The following HYOU1 variants were observed in gnomAD, a reference collection of about 807,000 sequenced individuals.
The protein encoded by HYOU1 is hypoxia up-regulated 1, also known as hypoxia up-regulated protein 1.
A neutral mutation model predicts 120.5 loss-of-function variants in HYOU1; 40 were observed. That is an observed-to-expected ratio of 0.33 (90% CI 0.26 to 0.43). The LOEUF (loss-of-function observed/expected upper bound fraction) is 0.43. Ranked by LOEUF, HYOU1 falls within the 20% of genes least tolerant of loss-of-function variation. The pLI, the probability that HYOU1 is intolerant of heterozygous loss-of-function variation, is 1.00. For synonymous variants in HYOU1, 501 were observed against 479.4 expected, an observed-to-expected ratio of 1.05 and a Z score of -0.59; for missense variants, 1,085 against 1,278.3, an observed-to-expected ratio of 0.85 and a Z score of 2.31.
rs1414301671 is a variant in HYOU1, at chr11:119,051,503, G to A, written c.1461C>T (p.Tyr487=). Residue 487 remains tyrosine (Y), a synonymous_variant, in exon 13 of 26, where the codon TAC becomes TAT. Transcript: ENST00000617285. This position sits in a 1 kb window ranked among gnomAD's most constrained non-coding sequence, Gnocchi z 4.2. Reference sequence around the variant, plus strand: ...TGATGTGGAAGTTGAAATCATGGCTGTAGCGGTTAAAGGTGATGACTTTGC... The same window carrying A: ...TGATGTGGAAGTTGAAATCATGGCTATAGCGGTTAAAGGTGATGACTTTGC... The part of the protein sequence containing the change: ...PQRKVITFNR[Y]SHDFNFHINY... The A allele has an allele frequency of 1.9e-6, 3 of 1,614,160 alleles. No individual in the cohort carries two copies. The highest frequency in any genetic ancestry group is 1.3e-5 in the African/African-American group (1 of 75,032).
In HYOU1 at chr11:119,055,173, C is replaced by G. The variant is rs2133610746; in HGVS notation, c.419+12G>C. 3.7e-6 allele frequency: 6 copies of G among 1,612,080 alleles called. No homozygotes were observed. In the Admixed American group the frequency reaches 8.3e-5, roughly 22 times the overall value. ...GCGTTGCCGAGACCACCTTCCCCAA[C>G]AGAGCACTCACGAGCTGATCTGAAA... On this transcript the variant is annotated intron_variant, in intron 5 of 25. Transcript: ENST00000617285. This position sits in a 1 kb window ranked among gnomAD's most constrained non-coding sequence, Gnocchi z 4.0.
chr11:119,056,532 C>G, intron 1 of HYOU1: 1 of 378,602 alleles, frequency 2.6e-6, no homozygotes, highest in South Asian at 2.0e-5. Context: ...CAGGGATCCC[C>G]GCCCAGGGCT....
At chr11:119,049,922 G>A in intron 14 of HYOU1, 85 bp from the exon 15 acceptor site, 1 of 1,199,444 alleles carries the variant, frequency 8.3e-7, no homozygotes, top group Non-Finnish European at 1.2e-6. Flanking sequence ...GTTTGCTTAT[G>A]CACACTCCAT....
Position 119,045,526 on chromosome 11 carries a change from C to T in HYOU1, c.*67G>A, listed in dbSNP as rs377515064. Reference sequence around the variant, plus strand: ...CAGGACCAACCCCTCCCCCAACCCTCGATGTTAAATAAATAGAAGTGGTGG... The same window carrying T: ...CAGGACCAACCCCTCCCCCAACCCTTGATGTTAAATAAATAGAAGTGGTGG... On this transcript the variant is annotated 3_prime_UTR_variant, in exon 26 of 26. Transcript: ENST00000617285. 160 of 1,374,748 alleles carry T rather than the reference C, an allele frequency of 1.2e-4. No individual in the cohort carries two copies. In the African/African-American group the frequency reaches 1.6e-3, roughly 14 times the overall value. The allele number at this position is 1,374,748 out of a possible 1,614,324, so 85.2% of individuals were successfully genotyped here.
chr11:119,050,707 C>A (rs1403477400), intron 14 of HYOU1, among the ~76,000 whole-genome samples: 3 of 94,200 alleles, frequency 3.2e-5, no homozygotes, highest in Non-Finnish European at 5.7e-5. Context: ...AGTAACAGAG[C>A]CAAGACCCTC....
In HYOU1 at chr11:119,045,602, G is replaced by A. The variant is rs573944250; in HGVS notation, c.2991C>T (p.Asp997=). The A allele has an allele frequency of 8.9e-5, 144 of 1,614,068 alleles. 2 individuals are homozygous for A. The highest frequency in any genetic ancestry group is 8.3e-4 in the South Asian group (76 of 91,080). The stretch of plus-strand genomic sequence containing the variant: ...AAAACAGAGGTGGGGGTTATAGTTC[G>A]TCGTTCTTCAAAGGCCGCTTCTGTC... ...STGQKRPLKN[D]EL The change falls in exon 26 of 26, where the codon GAC becomes GAT. Residue 997 remains aspartate, a synonymous_variant. Coordinates refer to ENST00000617285, the MANE Select transcript of HYOU1 (RefSeq NM_006389.5).
Position 119,048,731 on chromosome 11 carries a change from C to T in HYOU1, c.2148G>A (p.Leu716=). The change falls in exon 18 of 26, where the codon CTG becomes CTA. Residue 716 remains leucine (L), a synonymous_variant. Transcript: ENST00000617285. This position sits in a 1 kb window ranked among gnomAD's most constrained non-coding sequence, Gnocchi z 4.7. ...TCACTTACTTCTGCACCGACTGAGC[C>T]AGCTTATCCTCTGGCAAGTCAGGCA... ...LDLPDLPEDK[L]AQSVQKLQDL... The T allele has an allele frequency of 6.2e-7, 1 of 1,611,772 alleles. No homozygotes were observed. The highest frequency in any genetic ancestry group is 8.5e-7 in the Non-Finnish European group (1 of 1,178,768).
intron 1 of HYOU1, chr11:119,056,403 T>A (rs1284863706): frequency 6.5e-6 from 4 of 613,456 alleles, no homozygotes; most frequent in Non-Finnish European, 1.2e-5. Flanking sequence ...CTTTGCCACA[T>A]CCCTAAACAG....
intron 14 of HYOU1, 89 bp from the exon 15 acceptor site, chr11:119,049,926 A>C: frequency 1.7e-6 from 2 of 1,153,358 alleles, no homozygotes; most frequent in Non-Finnish European, 2.6e-6. Flanking sequence ...GCTTATGCAC[A>C]CTCCATGCCG....
At chr11:119,054,258 T>C in intron 7 of HYOU1, 22 bp from the exon 8 acceptor site, 1 of 1,583,264 alleles carries the variant, frequency 6.3e-7, no homozygotes, top group Non-Finnish European at 8.7e-7. Context: ...TCAAGGCAAC[T>C]GTCACAGGAA....
Position 119,052,713 on chromosome 11 carries a change from C to T in HYOU1, c.911G>A (p.Arg304His), listed in dbSNP as rs2133594944. The change falls in exon 9 of 26, where the codon CGT (arginine) becomes CAT (histidine). Residue 304 changes from arginine (R) to histidine (H), a missense_variant. Transcript: ENST00000617285. The surrounding 1 kb of genome is among the most constrained non-coding windows in gnomAD (Gnocchi z 5.0). ...CTCACGCAGCAGCTTGGCCATGGCACGCGGGTTCTCCCGCACATCCTTTGC... is the reference window on the plus strand; with the variant it reads ...CTCACGCAGCAGCTTGGCCATGGCATGCGGGTTCTCCCGCACATCCTTTGC... ...QRAKDVRENP[R>H]AMAKLLREAN... 4.3e-6 allele frequency: 7 copies of T among 1,614,210 alleles called. No individual in the cohort carries two copies. Among genetic ancestry groups the T allele is most frequent in the South Asian group, 1.1e-5 (1 of 91,084 alleles).
In HYOU1 at chr11:119,046,693, AC is replaced by A. The variant is rs2133552519; in HGVS notation, c.2704del (p.Val902CysfsTer59). ...EAKMMALDRE[V>X]QYLLNKAKFT... ...CTTGGCCTTATTGAGCAGATACTGC[AC>A]CTCTCGGTCCAGGGCCATCATCTTA... On this transcript the variant is annotated frameshift_variant, in exon 23 of 26. Transcript: ENST00000617285. LOFTEE classifies it high-confidence loss of function. 1 of 1,613,542 alleles carries A rather than the reference AC, an allele frequency of 6.2e-7. No individual in the cohort carries two copies.
chr11:119,054,902 G>T (rs1944661227), intron 6 of HYOU1, 82 bp downstream of exon 6: 3 of 1,414,166 alleles, frequency 2.1e-6, no homozygotes, highest in Non-Finnish European at 2.0e-6. Flanking sequence ...TGTTCCCTGG[G>T]AGGCAAACTT....
intron 16 of HYOU1, 46 bp from the exon 17 acceptor site, chr11:119,049,249 C>T (rs1944268406): frequency 1.9e-6 from 3 of 1,590,416 alleles, no homozygotes; most frequent in African/African-American, 1.3e-5. Context: ...GGAGCAGAGC[C>T]TCCAGGCAGG....
At chr11:119,053,884 T>A (rs2133601666) in intron 8 of HYOU1, 6 of 439,774 alleles carry the variant, frequency 1.4e-5, no homozygotes, top group African/African-American at 1.2e-4. Context: ...TGCGGCTCCA[T>A]GGATTTCCTT....
chr11:119,048,898 G>C lies in HYOU1; in HGVS notation c.1993-12C>G, dbSNP rs2133568248. 2 of 1,603,610 alleles carry C rather than the reference G, an allele frequency of 1.2e-6. No individual in the cohort carries two copies. Among genetic ancestry groups the C allele is most frequent in the Non-Finnish European group, 1.7e-6 (2 of 1,175,506 alleles). ...TTCTCACTTGGTTTCTGGGTGGGAAGAGTCAGGGGTGTCAGGAAAAGCCTC... is the reference window on the plus strand; with the variant it reads ...TTCTCACTTGGTTTCTGGGTGGGAACAGTCAGGGGTGTCAGGAAAAGCCTC... On this transcript the variant is annotated splice_polypyrimidine_tract_variant and intron_variant, in intron 17 of 25. Coordinates refer to ENST00000617285, the MANE Select transcript of HYOU1 (RefSeq NM_006389.5). This position sits in a 1 kb window ranked among gnomAD's most constrained non-coding sequence, Gnocchi z 4.7.
chr11:119,046,644 AGGCCGG>A lies in HYOU1; in HGVS notation c.2748_2753del (p.Arg917_Pro918del), dbSNP rs2133551848. The A allele has an allele frequency of 5.0e-6, 8 of 1,614,086 alleles. No homozygotes were observed. The Admixed American group carries it at 6.7e-5, about 13-fold the overall frequency. Reference sequence around the variant, plus strand: ...CTGCCCGGGTCCCATTCTTGTCCTTAGGCCGGGGCCGGGGCTTGGTAAACTTGGCCT... The same window carrying A: ...CTGCCCGGGTCCCATTCTTGTCCTTAGGCCGGGGCTTGGTAAACTTGGCCT... On this transcript the variant is annotated inframe_deletion, in exon 23 of 26. Transcript: ENST00000617285.
chr11:119,048,269 C>T lies in HYOU1; in HGVS notation c.2355G>A (p.Glu785=), dbSNP rs149598298. ...LSAASTWLED[E]GVGATTVMLK... ...TCACCACTGTGGTGGCTCCAACACC[C>T]TCATCCTCCAGCCAGGTGGATGCGG... Residue 785 remains glutamate (E), a synonymous_variant, in exon 20 of 26, where the codon GAG becomes GAA. Coordinates refer to ENST00000617285, the MANE Select transcript of HYOU1 (RefSeq NM_006389.5). The surrounding 1 kb of genome is among the most constrained non-coding windows in gnomAD (Gnocchi z 4.7). 5.1e-4 allele frequency: 825 copies of T among 1,611,570 alleles called. 5 individuals carry two copies. In the African/African-American group the frequency reaches 0.01, roughly 20 times the overall value.
In HYOU1 at chr11:119,045,243, A is replaced by C. The variant is rs1592128261; in HGVS notation, c.*350T>G. 2.0e-6 allele frequency: 1 copy of C among 489,660 alleles called. No homozygotes were observed. The highest frequency in any genetic ancestry group is 4.1e-6 in the Non-Finnish European group (1 of 246,520). 30.3% of individuals were successfully genotyped at this position (489,660 alleles called of 1,614,324 possible). A position where few individuals can be genotyped will look rare whatever the true frequency, so the allele number is the denominator to read the frequency against. On this transcript the variant is annotated 3_prime_UTR_variant, in exon 26 of 26. Coordinates refer to ENST00000617285, the MANE Select transcript of HYOU1 (RefSeq NM_006389.5). Reference sequence around the variant, plus strand: ...AGTGGAAACTCCCCAGCAACCTGATACCCTTCCCATCACCGGGACCCATCA... The same window carrying C: ...AGTGGAAACTCCCCAGCAACCTGATCCCCTTCCCATCACCGGGACCCATCA...
Sources: gnomAD v4.1 joint callset for allele counts (sites outside exome capture counted in the v4.1 genomes callset) on GRCh38, gnomAD v4.1.1 for gene constraint, Gnocchi (gnomAD v3.1) non-coding constraint, MANE v1.5 for transcripts, NCBI Gene and HGNC (gene_info 2026-07-23, HGNC 2026-07-21) for gene names.